Variants in FAM168A observed in about 807,000 individuals in gnomAD.
FAM168A encodes protein FAM168A.
FAM168A carries 3 observed loss-of-function variants against 28.5 expected under a neutral mutation model. The observed-to-expected ratio is 0.11, with a 90% CI of 0.05 to 0.27. The LOEUF (loss-of-function observed/expected upper bound fraction) is 0.27. FAM168A is among the 10% of genes least tolerant of loss of function. The probability of loss-of-function intolerance (pLI) is 1.00; values close to 1 mark genes in which losing one functional copy is unlikely to be tolerated. For synonymous variants in FAM168A, 122 were observed against 124.2 expected, an observed-to-expected ratio of 0.98 and a Z score of 0.12; for missense variants, 222 against 311.5, an observed-to-expected ratio of 0.71 and a Z score of 2.16.
At chr11:73,533,243 G>C (rs1943536382) in intron 1 of FAM168A, among the ~76,000 whole-genome samples, 1 of 152,072 alleles carries the variant, frequency 6.6e-6, no homozygotes, top group African/African-American at 2.4e-5. Flanking sequence ...AGATAATATA[G>C]ATGAAAGCAA....
chr11:73,447,694 A>G (rs1000687126), intron 2 of FAM168A, among the ~76,000 whole-genome samples: 1 of 151,406 alleles, frequency 6.6e-6, no homozygotes, highest in East Asian at 1.9e-4. Flanking sequence ...TCACTGCCCA[A>G]ACCTATTTTT....
At chr11:73,498,315 G>C (rs774518999) in intron 1 of FAM168A, among the ~76,000 whole-genome samples, 6 of 152,208 alleles carry the variant, frequency 3.9e-5, no homozygotes, top group Non-Finnish European at 7.3e-5. Flanking sequence ...CACAGGGAAG[G>C]GGACCCCCCC....
At chr11:73,440,924 T>C (rs1200918426) in intron 2 of FAM168A, among the ~76,000 whole-genome samples, 2 of 152,010 alleles carry the variant, frequency 1.3e-5, no homozygotes, top group Non-Finnish European at 2.9e-5. Context: ...AATAAGCCAA[T>C]AGAATCTAAT....
intron 1 of FAM168A, among the ~76,000 whole-genome samples, chr11:73,543,381 C>T (rs1360229870): frequency 6.6e-6 from 1 of 151,586 alleles, no homozygotes; most frequent in Admixed American, 6.6e-5. Context: ...CTGCCTCAGC[C>T]TCCCAACTAG....
intron 1 of FAM168A, among the ~76,000 whole-genome samples, chr11:73,557,069 C>T (rs1433141995): frequency 1.3e-5 from 2 of 151,576 alleles, no homozygotes; most frequent in Non-Finnish European, 1.5e-5. Flanking sequence ...AAATTCACAA[C>T]CGCCAAAAGG....
intron 4 of FAM168A, among the ~76,000 whole-genome samples, chr11:73,415,547 G>T (rs185896176): frequency 6.6e-6 from 1 of 152,242 alleles, no homozygotes; most frequent in African/African-American, 2.4e-5. Context: ...AACTTCTCTA[G>T]TGCTGACATT....
At chr11:73,464,048 C>T (rs1867693157) in intron 2 of FAM168A, among the ~76,000 whole-genome samples, 1 of 152,108 alleles carries the variant, frequency 6.6e-6, no homozygotes, top group South Asian at 2.1e-4. Flanking sequence ...ACTGTACCGT[C>T]CAAGACATAG....
intron 1 of FAM168A, among the ~76,000 whole-genome samples, chr11:73,574,094 G>C (rs56024886): frequency 1.8e-4 from 27 of 152,006 alleles, no homozygotes; most frequent in African/African-American, 6.5e-4. Flanking sequence ...CTGTACTCCA[G>C]CCTGGGTGAC....
At chr11:73,596,445 C>CTT (rs1429797909) in intron 1 of FAM168A, among the ~76,000 whole-genome samples, 1 of 152,128 alleles carries the variant, frequency 6.6e-6, no homozygotes, top group Non-Finnish European at 1.5e-5. Flanking sequence ...CTCCTTAATT[C>CTT]TACCTTAACT....
In FAM168A at chr11:73,426,703, C is replaced by CTGTGTGTGTGTGTGTGTGTGTG. The variant is rs34499254; in HGVS notation, c.151+3965_151+3986dup. 7.7e-4 allele frequency among the ~76,000 whole-genome samples: 111 copies of CTGTGTGTGTGTGTGTGTGTGTG among 144,296 alleles called. 1 individual carries two copies. Among genetic ancestry groups the CTGTGTGTGTGTGTGTGTGTGTG allele is most frequent in the African/African-American group, 2.2e-3 (86 of 39,004 alleles). 94.7% of individuals were successfully genotyped at this position (144,296 alleles called of 152,430 possible). ...TGTGTGTGTAGGATTCCAAAATATG[C>CTGTGTGTGTGTGTGTGTGTGTG]TGTGTGTGTGTGTGTGTGTGTGTGT... On this transcript the variant is annotated intron_variant, in intron 3 of 7. Transcript: ENST00000356467.
At chr11:73,501,914 A>C (rs1488502792) in intron 1 of FAM168A, among the ~76,000 whole-genome samples, 1 of 152,088 alleles carries the variant, frequency 6.6e-6, no homozygotes, top group Non-Finnish European at 1.5e-5. Flanking sequence ...ATCCTGGCTA[A>C]CACGGTGAAA....
At chr11:73,587,381 A>T (rs1944328186) in intron 1 of FAM168A, among the ~76,000 whole-genome samples, 1 of 151,890 alleles carries the variant, frequency 6.6e-6, no homozygotes, top group African/African-American at 2.4e-5. Flanking sequence ...AATGGCAGCT[A>T]CTTGGATGGC....
intron 2 of FAM168A, among the ~76,000 whole-genome samples, chr11:73,439,835 T>G (rs1006340267): frequency 5.3e-5 from 8 of 151,352 alleles, no homozygotes; most frequent in African/African-American, 1.9e-4. Context: ...TGAAATTTTG[T>G]GAATCGATAA....
chr11:73,419,743 TG>T (rs1416099210), intron 4 of FAM168A, 130 bp downstream of exon 4: 2 of 1,156,620 alleles, frequency 1.7e-6, no homozygotes, highest in African/African-American at 1.6e-5. Context: ...ATTTTTTGCC[TG>T]GGTAAAAGAA....
intron 1 of FAM168A, among the ~76,000 whole-genome samples, chr11:73,575,046 G>A (rs987794482): frequency 2.6e-5 from 4 of 151,954 alleles, no homozygotes; most frequent in African/African-American, 9.7e-5. Flanking sequence ...TCCCTATTTT[G>A]CAGATGAGCA....
At chr11:73,548,092 G>A (rs1402418044) in intron 1 of FAM168A, among the ~76,000 whole-genome samples, 1 of 152,134 alleles carries the variant, frequency 6.6e-6, no homozygotes, top group East Asian at 1.9e-4. Flanking sequence ...GAAGGAGGAA[G>A]GGAGAGTTGT....
chr11:73,490,865 C>T (rs1868118289), intron 1 of FAM168A, among the ~76,000 whole-genome samples: 1 of 152,112 alleles, frequency 6.6e-6, no homozygotes, highest in Non-Finnish European at 1.5e-5. Context: ...AAAATGTAAG[C>T]TCCATGGTGA....
chr11:73,525,112 T>C (rs561990743), intron 1 of FAM168A, among the ~76,000 whole-genome samples: 12 of 152,092 alleles, frequency 7.9e-5, no homozygotes, highest in Non-Finnish European at 1.8e-4. Context: ...TCCCTCTCTT[T>C]TTTGGGGGGT....
intron 1 of FAM168A, among the ~76,000 whole-genome samples, chr11:73,557,736 T>G (rs982499195): frequency 6.6e-6 from 1 of 152,192 alleles, no homozygotes; most frequent in Non-Finnish European, 1.5e-5. Flanking sequence ...ACAACAAAGT[T>G]GGAAGACTCA....
Sources: gnomAD v4.1 joint callset for allele counts (sites outside exome capture counted in the v4.1 genomes callset) on GRCh38, gnomAD v4.1.1 for gene constraint, MANE v1.5 for transcripts, NCBI Gene and HGNC (gene_info 2026-07-23, HGNC 2026-07-21) for gene names.